The following GLS variants were observed in gnomAD, a reference collection of about 807,000 sequenced individuals.
GLS encodes glutaminase.
Under a neutral mutation model 86.7 loss-of-function variants are expected in GLS, and 36 were observed. The ratio of observed to expected loss-of-function variants is 0.42; its 90% CI spans 0.32 to 0.55. The LOEUF is 0.55. GLS is among the 20% of genes least tolerant of loss of function. The probability of loss-of-function intolerance (pLI) is 0.17; values close to 1 mark genes in which losing one functional copy is unlikely to be tolerated. For missense variants in GLS, 528 were observed against 833.4 expected (o/e 0.63, Z 4.51); for synonymous variants, 317 against 305.9 (o/e 1.04, Z -0.38).
rs927665794 is a variant in GLS, at chr2:190,921,672, AT to A, written c.1130+477del. ...AATATGTAAATATATATGTACATAG[AT>A]TTTTTTTCCCTAAACCATTTCAAAT... On this transcript the variant is annotated intron_variant, in intron 9 of 17. Coordinates refer to ENST00000320717, the MANE Select transcript of GLS (RefSeq NM_014905.5). This position sits in a 1 kb window ranked among gnomAD's most constrained non-coding sequence, Gnocchi z 4.2. 6.6e-6 allele frequency among the ~76,000 whole-genome samples: 1 copy of A among 151,770 alleles called. No individual in the cohort carries two copies. The highest frequency in any genetic ancestry group is 6.6e-5 in the Admixed American group (1 of 15,218).
chr2:190,955,322 C>T lies in GLS; in HGVS notation c.1853+504C>T, dbSNP rs187720553. On this transcript the variant is annotated intron_variant, in intron 17 of 17. Transcript: ENST00000320717. This position sits in a 1 kb window ranked among gnomAD's most constrained non-coding sequence, Gnocchi z 5.6. ...GGCCCTGGTGTGTGATGTTCCCCTC[C>T]CTGTGTCCATGTGTTCTCACTGTTC... Among the ~76,000 whole-genome samples, 91 of 152,254 alleles carry T rather than the reference C, an allele frequency of 6.0e-4. No individual in the cohort carries two copies. Among genetic ancestry groups the T allele is most frequent in the African/African-American group, 2.0e-3 (85 of 41,534 alleles).
At chr2:190,939,138 T>G (rs761359111) in intron 14 of GLS, among the ~76,000 whole-genome samples, 3 of 151,664 alleles carry the variant, frequency 2.0e-5, no homozygotes, top group African/African-American at 4.8e-5. Context: ...ACTTCCCTTG[T>G]TTATTTTAGA....
chr2:190,955,293 A>T lies in GLS; in HGVS notation c.1853+475A>T, dbSNP rs1441457909. 6.6e-6 allele frequency among the ~76,000 whole-genome samples: 1 copy of T among 151,968 alleles called. No homozygotes were observed. The highest frequency in any genetic ancestry group is 1.9e-4 in the East Asian group (1 of 5,192). ...GATCCCTCCCTTACCCTGACCCCCA[A>T]ACAGGCCCTGGTGTGTGATGTTCCC... On this transcript the variant is annotated intron_variant, in intron 17 of 17. Coordinates refer to ENST00000320717, the MANE Select transcript of GLS (RefSeq NM_014905.5). This position sits in a 1 kb window ranked among gnomAD's most constrained non-coding sequence, Gnocchi z 5.6.
intron 5 of GLS, among the ~76,000 whole-genome samples, chr2:190,904,581 A>C (rs1362926369): frequency 6.6e-6 from 1 of 152,146 alleles, no homozygotes; most frequent in Admixed American, 6.6e-5. Context: ...GAGCCAAAAA[A>C]GATGGATAGT....
chr2:190,904,040 G>A lies in GLS; in HGVS notation c.816-964G>A, dbSNP rs532412224. 4.6e-5 allele frequency among the ~76,000 whole-genome samples: 7 copies of A among 152,116 alleles called. No individual in the cohort carries two copies. In the South Asian group the frequency reaches 1.5e-3, roughly 32 times the overall value. On this transcript the variant is annotated intron_variant, in intron 5 of 17. Coordinates refer to ENST00000320717, the MANE Select transcript of GLS (RefSeq NM_014905.5). The stretch of plus-strand genomic sequence containing the variant: ...TCTACTTCATGTACTTCTCAGTTTG[G>A]TGGTAATATAAAGCTTTCTTTTTGC...
intron 1 of GLS, among the ~76,000 whole-genome samples, chr2:190,883,467 GTAT>G (rs1688275569): frequency 6.6e-6 from 1 of 152,116 alleles, no homozygotes; most frequent in East Asian, 1.9e-4. Context: ...ATTTTATGTA[GTAT>G]TATTAAAAGA....
intron 1 of GLS, among the ~76,000 whole-genome samples, chr2:190,893,475 C>T (rs557712457): frequency 2.0e-5 from 3 of 152,310 alleles, no homozygotes; most frequent in Admixed American, 1.3e-4. Flanking sequence ...AGTAGTACCT[C>T]TGTCATAAAA....
rs1023407326 is a variant in GLS at position 190,880,912 on chromosome 2, G to C, written c.-173G>C. On this transcript the variant is annotated 5_prime_UTR_variant, in exon 1 of 18. Transcript: ENST00000320717. ...AGCAGCAGCAGCAGCAGCAGCAGCA[G>C]CAGCAGCACCCGCATCCGCTGCGGG... The C allele has an allele frequency of 1.1e-3, 1,068 of 946,638 alleles. 50 individuals carry two copies. The highest frequency in any genetic ancestry group is 0.011 in the Admixed American group (505 of 47,454). 58.6% of individuals were successfully genotyped at this position (946,638 alleles called of 1,614,324 possible).
In GLS at chr2:190,930,256, C is replaced by A. The variant is rs1208675536; in HGVS notation, c.1426-181C>A. Among the ~76,000 whole-genome samples the A allele has an allele frequency of 3.3e-5, 5 of 152,010 alleles. No homozygotes were observed. ...TGTTTTTTGTAGAGACGAGATCTCC[C>A]TGTGTTACCCAGCCTAGCCTCCAAC... On this transcript the variant is annotated intron_variant, in intron 12 of 17. Transcript: ENST00000320717. The surrounding 1 kb of genome is among the most constrained non-coding windows in gnomAD (Gnocchi z 5.0).
intron 14 of GLS, among the ~76,000 whole-genome samples, chr2:190,940,849 TAAATGA>T (rs1231648240): frequency 3.3e-5 from 5 of 152,064 alleles, no homozygotes; most frequent in African/African-American, 1.2e-4. Flanking sequence ...TCCCTCTATA[TAAATGA>T]AAATGTATAA....
At chr2:190,959,848 A>C (rs6712504) in intron 17 of GLS, among the ~76,000 whole-genome samples, 2,453 of 152,308 alleles carry the variant, frequency 0.016, 85 homozygotes, top group African/African-American at 0.056. Context: ...TTAACTCTAA[A>C]ATGAATATAT....
Position 190,963,040 on chromosome 2 carries a change from T to G in GLS, c.*54T>G, listed in dbSNP as rs757110780. On this transcript the variant is annotated 3_prime_UTR_variant, in exon 18 of 18. Transcript: ENST00000320717. ...TTACCTATTTAATTGTGGAAAATGA[T>G]TATGAAGAACATGTGTATTTCTATC... 1.6e-6 allele frequency: 2 copies of G among 1,275,876 alleles called. No individual in the cohort carries two copies. The highest frequency in any genetic ancestry group is 2.8e-5 in the South Asian group (2 of 71,390). The allele number at this position is 1,275,876 out of a possible 1,614,324, so 79.0% of individuals were successfully genotyped here. A position where few individuals can be genotyped will look rare whatever the true frequency, so the allele number is the denominator to read the frequency against.
intron 1 of GLS, among the ~76,000 whole-genome samples, chr2:190,886,093 G>A (rs1267975763): frequency 2.0e-5 from 3 of 151,818 alleles, no homozygotes; most frequent in Non-Finnish European, 4.4e-5. Context: ...GGATGGTCTC[G>A]ACCTCCTGAC....
In GLS at chr2:190,954,208, G is replaced by A. The variant is rs1257125280; in HGVS notation, c.1713-376G>A. 6.6e-6 allele frequency among the ~76,000 whole-genome samples: 1 copy of A among 151,930 alleles called. No homozygotes were observed. Among genetic ancestry groups the A allele is most frequent in the Non-Finnish European group, 1.5e-5 (1 of 68,006 alleles). On this transcript the variant is annotated intron_variant, in intron 15 of 17. Transcript: ENST00000320717. This position sits in a 1 kb window ranked among gnomAD's most constrained non-coding sequence, Gnocchi z 4.0. ...GACAAGTACTAGTAGACTGTGAAAT[G>A]TTTAAGAATGGGAGTCTTAGTAAAA... is the stretch of plus-strand genomic sequence containing the variant.
At chr2:190,932,165 C>T (rs1438634560) in intron 14 of GLS, among the ~76,000 whole-genome samples, 2 of 151,808 alleles carry the variant, frequency 1.3e-5, no homozygotes, top group East Asian at 1.9e-4. Context: ...TTTTTTCCAC[C>T]GTGTTTAATG....
intron 1 of GLS, among the ~76,000 whole-genome samples, chr2:190,889,289 A>T (rs1688488896): frequency 1.3e-5 from 2 of 152,144 alleles, no homozygotes; most frequent in Admixed American, 1.3e-4. Context: ...TAGATTGAGG[A>T]TTATAAGAGA....
chr2:190,907,130 TAGCC>T (rs1689173038), intron 6 of GLS, among the ~76,000 whole-genome samples: 1 of 152,066 alleles, frequency 6.6e-6, no homozygotes, highest in Admixed American at 6.6e-5. Context: ...TTCACTGTGT[TAGCC>T]AGGATGGTCT....
intron 6 of GLS, among the ~76,000 whole-genome samples, chr2:190,906,119 G>A (rs925423045): frequency 8.6e-5 from 13 of 151,824 alleles, no homozygotes. Context: ...GCTACGTTTG[G>A]TTTTATGGAC....
chr2:190,910,183 T>C, intron 6 of GLS, 80 bp from the exon 7 acceptor site: 2 of 865,242 alleles, frequency 2.3e-6, no homozygotes, highest in Non-Finnish European at 1.8e-6. Flanking sequence ...CTGTGCTTTT[T>C]CCAAGGTCAT....
Sources: gnomAD v4.1 joint callset for allele counts (sites outside exome capture counted in the v4.1 genomes callset) on GRCh38, gnomAD v4.1.1 for gene constraint, Gnocchi (gnomAD v3.1) non-coding constraint, MANE v1.5 for transcripts, NCBI Gene and HGNC (gene_info 2026-07-23, HGNC 2026-07-21) for gene names.